ELAC1: variants seen among roughly 807,000 people sequenced by gnomAD.
The protein encoded by ELAC1 is zinc phosphodiesterase ELAC protein 1.
A neutral mutation model predicts 25.8 loss-of-function variants in ELAC1; 19 were observed. The observed-to-expected ratio is 0.74, with a 90% CI of 0.51 to 1.08. The LOEUF (loss-of-function observed/expected upper bound fraction) is 1.08, where lower values mean the gene tolerates loss of function less well. ELAC1 is among the 50% of genes least tolerant of loss of function. The pLI is 0.00. For synonymous variants in ELAC1, 148 were observed against 160.9 expected, an observed-to-expected ratio of 0.92 and a Z score of 0.61; for missense variants, 403 against 434.6, an observed-to-expected ratio of 0.93 and a Z score of 0.65.
Position 50,978,665 on chromosome 18 carries a change from A to T in ELAC1, c.157+4104A>T, listed in dbSNP as rs555185409. Among the ~76,000 whole-genome samples, 10 of 151,574 alleles carry T rather than the reference A, an allele frequency of 6.6e-5. No homozygotes were observed. The South Asian group carries it at 8.3e-4, about 13-fold the overall frequency. ...CACTGTGTATATGTGTGTGTGTGTG[A>T]GAGAGAGAGAGAATGAGGATATTGA... is the stretch of plus-strand genomic sequence containing the variant. On this transcript the variant is annotated intron_variant, in intron 2 of 3. Transcript: ENST00000269466.
Position 50,984,170 on chromosome 18 carries a change from A to G in ELAC1, c.232A>G (p.Ile78Val), listed in dbSNP as rs199721775. 6.8e-6 allele frequency: 11 copies of G among 1,614,126 alleles called. No homozygotes were observed. In the East Asian group the frequency reaches 2.0e-4, roughly 29 times the overall value. ...FFGLPGLLCT[I>V]SLQSGSMVSK... ...TGGCCTTCCTGGGCTCCTCTGCACAATCAGCCTGCAGAGTGGCTCCATGGT... is the reference window on the plus strand; with the variant it reads ...TGGCCTTCCTGGGCTCCTCTGCACAGTCAGCCTGCAGAGTGGCTCCATGGT... Residue 78 changes from isoleucine (I) to valine (V), a missense_variant, in exon 3 of 4, where the codon ATC (isoleucine) becomes GTC (valine). Transcript: ENST00000269466.
At chr18:50,969,112 C>G (rs948098567) in intron 1 of ELAC1, 1 of 152,228 alleles carries the variant, frequency 6.6e-6, no homozygotes, top group Non-Finnish European at 1.5e-5. Context: ...TTACCCTCTA[C>G]TATCCAGTCA....
intron 3 of ELAC1, among the ~76,000 whole-genome samples, chr18:50,985,875 CT>C (rs1240588345): frequency 6.6e-6 from 1 of 152,152 alleles, no homozygotes; most frequent in Non-Finnish European, 1.5e-5. Context: ...GGAACTGCCC[CT>C]GTCTGCCAAG....
Position 50,987,940 on chromosome 18 carries a change from A to G in ELAC1, c.*855A>G, listed in dbSNP as rs1435089838. The stretch of plus-strand genomic sequence containing the variant: ...CCAAAATTAGTGACATAATGAGTGG[A>G]ATTACTAGGTAAGTCAAATCCTAAA... On this transcript the variant is annotated 3_prime_UTR_variant, in exon 4 of 4. Transcript: ENST00000269466. 6.6e-6 allele frequency: 1 copy of G among 152,346 alleles called. No individual in the cohort carries two copies. The highest frequency in any genetic ancestry group is 1.9e-4 in the East Asian group (1 of 5,190). The allele number at this position is 152,346 out of a possible 1,614,324, so 9.4% of individuals were successfully genotyped here. A position where few individuals can be genotyped will look rare whatever the true frequency, so the allele number is the denominator to read the frequency against.
At chr18:50,970,514 A>G (rs1190317062) in intron 1 of ELAC1, among the ~76,000 whole-genome samples, 1 of 152,184 alleles carries the variant, frequency 6.6e-6, no homozygotes, top group Admixed American at 6.5e-5. Context: ...GTGATAATGT[A>G]GAGTAACACA....
At chr18:50,972,778 C>G (rs1436110262) in intron 1 of ELAC1, among the ~76,000 whole-genome samples, 3 of 152,134 alleles carry the variant, frequency 2.0e-5, no homozygotes, top group Admixed American at 6.6e-5. Context: ...CCACCGTGCC[C>G]GGCCTATTCT....
At chr18:50,976,368 C>T (rs1332162861) in intron 2 of ELAC1, among the ~76,000 whole-genome samples, 1 of 152,128 alleles carries the variant, frequency 6.6e-6, no homozygotes, top group African/African-American at 2.4e-5. Context: ...GTTTAATGGA[C>T]TCGCAGTTCA....
At chr18:50,969,074 C>T (rs538974287) in intron 1 of ELAC1, 10 of 152,290 alleles carry the variant, frequency 6.6e-5, no homozygotes, top group African/African-American at 2.4e-4. Flanking sequence ...AAACATAAAG[C>T]CATTATCAGT....
rs1182381550 is a variant in ELAC1 at position 50,984,337 on chromosome 18, A to G, written c.399A>G (p.Glu133=). 1 of 1,614,116 alleles carries G rather than the reference A, an allele frequency of 6.2e-7. No individual in the cohort carries two copies. Among genetic ancestry groups the G allele is most frequent in the African/African-American group, 1.3e-5 (1 of 74,938 alleles). Residue 133 remains glutamate, a synonymous_variant, in exon 3 of 4, where the codon GAA becomes GAG. Coordinates refer to ENST00000269466, the MANE Select transcript of ELAC1 (RefSeq NM_018696.3). ...CTACAGCAGATCAATGTCCTGCAGAAGAACTAAAAGAATTTGCGCATGTGA... is the reference window on the plus strand; with the variant it reads ...CTACAGCAGATCAATGTCCTGCAGAGGAACTAAAAGAATTTGCGCATGTGA... ...LVPTADQCPA[E]ELKEFAHVNR...
intron 1 of ELAC1, chr18:50,968,417 C>T (rs1395391444): frequency 1.3e-5 from 2 of 152,542 alleles, no homozygotes; most frequent in Non-Finnish European, 2.9e-5. Context: ...TGCCGCCCGG[C>T]CTCGGTTCTT....
At chr18:50,975,495 G>A (rs144998279) in intron 2 of ELAC1, among the ~76,000 whole-genome samples, 8 of 151,090 alleles carry the variant, frequency 5.3e-5, no homozygotes, top group African/African-American at 1.7e-4. Flanking sequence ...TGTAAAGTAC[G>A]TTCCATGATC....
intron 1 of ELAC1, among the ~76,000 whole-genome samples, chr18:50,971,894 ATATGTG>A (rs917131145): frequency 2.1e-5 from 2 of 94,962 alleles, no homozygotes; most frequent in African/African-American, 1.1e-4. Flanking sequence ...ATATATGTAT[ATATGTG>A]TGTGTGTGTG....
In ELAC1 at chr18:50,984,236, C is replaced by T. The variant is rs375623778; in HGVS notation, c.298C>T (p.Arg100Trp). 3.8e-5 allele frequency: 62 copies of T among 1,614,114 alleles called. No individual in the cohort carries two copies. The highest frequency in any genetic ancestry group is 5.0e-5 in the Non-Finnish European group (59 of 1,180,018). The change falls in exon 3 of 4, where the codon CGG (arginine) becomes TGG (tryptophan). Residue 100 changes from arginine to tryptophan, a missense_variant. By Grantham distance (101) the Arg-to-Trp change is moderately radical (BLOSUM62 -3). Coordinates refer to ENST00000269466, the MANE Select transcript of ELAC1 (RefSeq NM_018696.3). ...PIEIYGPVGL[R>W]DFIWRTMELS... ...TGAAATCTATGGCCCTGTAGGGCTT[C>T]GGGACTTTATCTGGCGAACCATGGA...
Position 50,986,697 on chromosome 18 carries a change from C to T in ELAC1, c.704C>T (p.Pro235Leu), listed in dbSNP as rs1908116330. ...CTGGAAAATGGGGTTACAATTTCTC[C>T]CCAAGATGTCTTAAAAAAGCCTATT... ...VVLENGVTIS[P>L]QDVLKKPIVG... The change falls in exon 4 of 4, where the codon CCC (proline) becomes CTC (leucine). Residue 235 changes from proline to leucine, a missense_variant. Physicochemically the swap from Pro to Leu is moderately conservative, Grantham distance 98. Transcript: ENST00000269466. 16 of 1,614,034 alleles carry T rather than the reference C, an allele frequency of 9.9e-6. No individual in the cohort carries two copies. The highest frequency in any genetic ancestry group is 1.4e-5 in the Non-Finnish European group (16 of 1,179,992).
intron 2 of ELAC1, among the ~76,000 whole-genome samples, chr18:50,979,354 A>G (rs566107978): frequency 1.3e-5 from 2 of 152,298 alleles, no homozygotes; most frequent in Non-Finnish European, 2.9e-5. Context: ...CAGAGGCCCA[A>G]CTGGGGAAGA....
chr18:50,978,565 G>A (rs1236452380), intron 2 of ELAC1, among the ~76,000 whole-genome samples: 1 of 152,108 alleles, frequency 6.6e-6, no homozygotes, highest in African/African-American at 2.4e-5. Flanking sequence ...TTCCCACCGG[G>A]TCCCTCCCAT....
chr18:50,973,698 TAGA>T (rs1907722673), intron 1 of ELAC1, among the ~76,000 whole-genome samples: 1 of 152,148 alleles, frequency 6.6e-6, no homozygotes, highest in Non-Finnish European at 1.5e-5. Flanking sequence ...TAGTGTTTAT[TAGA>T]AGGATTTTTT....
rs112299198 is a variant in ELAC1, at chr18:50,970,849, T to G, written c.-9+2735T>G. On this transcript the variant is annotated intron_variant, in intron 1 of 3. Transcript: ENST00000269466. The stretch of plus-strand genomic sequence containing the variant: ...TTAATTACCCCTGAGATAACCCATA[T>G]TAACAGGATGGTGTGTATCCTCTCC... Among the ~76,000 whole-genome samples the G allele has an allele frequency of 2.1e-3, 322 of 151,946 alleles. 2 individuals carry two copies. Among genetic ancestry groups the G allele is most frequent in the Middle Eastern group, 6.8e-3 (2 of 294 alleles).
Position 50,984,376 on chromosome 18 carries a change from T to C in ELAC1, c.438T>C (p.Ser146=), listed in dbSNP as rs1377712343. The C allele has an allele frequency of 1.2e-6, 2 of 1,614,016 alleles. No individual in the cohort carries two copies. Among genetic ancestry groups the C allele is most frequent in the Non-Finnish European group, 1.7e-6 (2 of 1,180,022 alleles). The change falls in exon 3 of 4, where the codon AGT becomes AGC. Residue 146 remains serine (S), a synonymous_variant. Coordinates refer to ENST00000269466, the MANE Select transcript of ELAC1 (RefSeq NM_018696.3). ...KEFAHVNRAD[S]PPKEEQGRTI... is the part of the protein sequence containing the mutation. ...TTGCGCATGTGAATAGAGCAGACAG[T>C]CCTCCCAAAGAGGAACAAGGAAGAA...
Sources: gnomAD v4.1 joint callset for allele counts (sites outside exome capture counted in the v4.1 genomes callset) on GRCh38, gnomAD v4.1.1 for gene constraint, MANE v1.5 for transcripts, NCBI Gene and HGNC (gene_info 2026-07-23, HGNC 2026-07-21) for gene names.